The following PIK3C2G variants were observed in gnomAD, a reference collection of about 807,000 sequenced individuals.
The protein encoded by PIK3C2G is phosphatidylinositol 3-kinase C2 domain-containing subunit gamma.
PIK3C2G carries 168 observed loss-of-function variants against 181.1 expected under a neutral mutation model. The ratio of observed to expected loss-of-function variants is 0.93; its 90% CI spans 0.82 to 1.05. PIK3C2G has a LOEUF of 1.05. Ranked by LOEUF, PIK3C2G falls within the 50% of genes least tolerant of loss-of-function variation. The probability of loss-of-function intolerance (pLI) is 0.00; values close to 1 mark genes in which losing one functional copy is unlikely to be tolerated. For missense variants in PIK3C2G, 1,869 were observed against 1,732.8 expected (o/e 1.08, Z -1.40); for synonymous variants, 573 against 592.2 (o/e 0.97, Z 0.47).
intron 25 of PIK3C2G, among the ~76,000 whole-genome samples, chr12:18,539,919 A>G (rs1042563892): frequency 4.6e-5 from 7 of 151,812 alleles, no homozygotes; most frequent in African/African-American, 1.7e-4. Context: ...TTATTGGTAA[A>G]TTTGCATTCT....
At chr12:18,513,376 C>CT (rs5796757) in intron 24 of PIK3C2G, among the ~76,000 whole-genome samples, 82,468 of 148,768 alleles carry the variant, frequency 0.55, 23,169 homozygotes, top group East Asian at 0.89. Context: ...AATTGGTATT[C>CT]TTTTTTTTTT....
chr12:18,451,920 C>T (rs183675150), intron 18 of PIK3C2G, among the ~76,000 whole-genome samples: 62 of 152,278 alleles, frequency 4.1e-4, no homozygotes, highest in African/African-American at 1.4e-3. Context: ...AGGGATGAAG[C>T]CAACTTGATC....
At chr12:18,532,150 A>ATATGTT (rs59638300) in intron 24 of PIK3C2G, among the ~76,000 whole-genome samples, 42,153 of 151,756 alleles carry the variant, frequency 0.28, 6,157 homozygotes, top group Non-Finnish European at 0.34. Context: ...ACATCTTTTT[A>ATATGTT]TATGTTTATT....
At chr12:18,318,280 G>C (rs979849060) in intron 6 of PIK3C2G, among the ~76,000 whole-genome samples, 2 of 152,062 alleles carry the variant, frequency 1.3e-5, no homozygotes, top group Non-Finnish European at 2.9e-5. Flanking sequence ...AACTGGTTTG[G>C]TTTTGAGGTA....
chr12:18,621,815 C>T (rs1040412415), intron 31 of PIK3C2G, among the ~76,000 whole-genome samples: 4 of 151,600 alleles, frequency 2.6e-5, no homozygotes, highest in South Asian at 4.1e-4. Context: ...AAATGAAGTA[C>T]GAGACCGTGC....
At chr12:18,654,628 C>T in the PIK3C2G span, among the ~76,000 whole-genome samples, 1 of 152,056 alleles carries the variant, frequency 6.6e-6, no homozygotes, top group African/African-American at 2.4e-5. Flanking sequence ...ACTGTTATTC[C>T]AGGTAAAAGT....
the PIK3C2G span, among the ~76,000 whole-genome samples, chr12:18,679,319 C>T: frequency 2.0e-5 from 3 of 151,992 alleles, no homozygotes; most frequent in Non-Finnish European, 4.4e-5. Context: ...TCAACTCTAT[C>T]ATTTATTTTA....
chr12:18,687,403 T>C, the PIK3C2G span, among the ~76,000 whole-genome samples: 1 of 152,128 alleles, frequency 6.6e-6, no homozygotes, highest in African/African-American at 2.4e-5. Flanking sequence ...CAAGAATCAG[T>C]TCCAATGTCT....
At chr12:18,410,331 C>A (rs1479513868) in intron 16 of PIK3C2G, among the ~76,000 whole-genome samples, 1 of 151,852 alleles carries the variant, frequency 6.6e-6, no homozygotes, top group African/African-American at 2.4e-5. Flanking sequence ...ATGGTGAAAC[C>A]CTGTCTCTAC....
chr12:18,444,897 TC>T (rs1430773662), intron 18 of PIK3C2G, among the ~76,000 whole-genome samples: 1 of 152,122 alleles, frequency 6.6e-6, no homozygotes, highest in Non-Finnish European at 1.5e-5. Flanking sequence ...TCAGTTTTTG[TC>T]CTTACCCATA....
intron 18 of PIK3C2G, among the ~76,000 whole-genome samples, chr12:18,455,158 C>A (rs1193278794): frequency 6.6e-6 from 1 of 152,162 alleles, no homozygotes; most frequent in Non-Finnish European, 1.5e-5. Context: ...AAAGTCAGAG[C>A]CTTTTACAAC....
chr12:18,707,531 G>GC, the PIK3C2G span, among the ~76,000 whole-genome samples: 1 of 152,168 alleles, frequency 6.6e-6, no homozygotes, highest in African/African-American at 2.4e-5. Flanking sequence ...AGCAATGTTT[G>GC]CCCCCCATTT....
At chr12:18,410,867 T>C (rs1944831383) in intron 16 of PIK3C2G, among the ~76,000 whole-genome samples, 1 of 152,198 alleles carries the variant, frequency 6.6e-6, no homozygotes, top group Admixed American at 6.5e-5. Context: ...CTTTTTAAGA[T>C]TAGCTACATG....
At chr12:18,707,684 C>T in the PIK3C2G span, among the ~76,000 whole-genome samples, 1 of 152,050 alleles carries the variant, frequency 6.6e-6, no homozygotes, top group Non-Finnish European at 1.5e-5. Flanking sequence ...CTTCCCTAGT[C>T]ATAATTATTG....
chr12:18,636,309 C>T (rs1949601084), intron 31 of PIK3C2G, among the ~76,000 whole-genome samples: 1 of 152,038 alleles, frequency 6.6e-6, no homozygotes, highest in African/African-American at 2.4e-5. Context: ...CTCGGCTCAC[C>T]GCAACCTCTG....
intron 31 of PIK3C2G, among the ~76,000 whole-genome samples, chr12:18,626,615 T>C: frequency 6.6e-6 from 1 of 152,038 alleles, no homozygotes; most frequent in Non-Finnish European, 1.5e-5. Flanking sequence ...TTAACTCCCA[T>C]GGCATGGTTT....
chr12:18,495,169 T>C (rs916468499), intron 20 of PIK3C2G, among the ~76,000 whole-genome samples: 1 of 152,108 alleles, frequency 6.6e-6, no homozygotes, highest in African/African-American at 2.4e-5. Context: ...GATGTCATAT[T>C]TTACTAAGTT....
chr12:18,631,745 G>T (rs993938701), intron 31 of PIK3C2G, among the ~76,000 whole-genome samples: 1 of 152,116 alleles, frequency 6.6e-6, no homozygotes, highest in African/African-American at 2.4e-5. Context: ...CAAGGATGAG[G>T]GGGGCACCAG....
intron 18 of PIK3C2G, among the ~76,000 whole-genome samples, chr12:18,455,001 A>T (rs1947548725): frequency 6.6e-6 from 1 of 152,146 alleles, no homozygotes; most frequent in Admixed American, 6.6e-5. Context: ...TCAACCTGGG[A>T]TCTACCCTCA....
Sources: allele counts gnomAD v4.1 joint callset (sites outside exome capture counted in the v4.1 genomes callset), GRCh38; gene constraint gnomAD v4.1.1; transcripts MANE v1.5; gene names NCBI Gene and HGNC (gene_info 2026-07-23, HGNC 2026-07-21).